Variants in RECK observed in about 807,000 individuals in gnomAD.
RECK encodes the protein reversion-inducing cysteine-rich protein with Kazal motifs.
In RECK, 69 loss-of-function variants were observed where a neutral mutation model predicts 115.1. The observed-to-expected ratio is 0.60, with a 90% confidence interval of 0.49 to 0.73. The LOEUF (loss-of-function observed/expected upper bound fraction) is 0.73. RECK is among the 30% of genes least tolerant of loss of function. The pLI is 0.00. For synonymous variants in RECK, 414 were observed against 419.7 expected (o/e 0.99, Z 0.17); for missense variants, 1,047 against 1,203.7 (o/e 0.87, Z 1.93).
chr9:36,045,932 C>T (rs548807988), intron 1 of RECK, among the ~76,000 whole-genome samples: 3 of 152,070 alleles, frequency 2.0e-5, no homozygotes, highest in South Asian at 4.1e-4. Context: ...CCTTCTTAAG[C>T]CCAAAAAATG....
At position 36,089,918 on chromosome 9, in the gene RECK, G is replaced by A. The variant is rs187536562; in HGVS notation, c.906-1246G>A. Among the ~76,000 whole-genome samples, 638 of 151,846 alleles carry A rather than the reference G, an allele frequency of 4.2e-3. 5 individuals carry two copies. The highest frequency in any genetic ancestry group is 0.015 in the African/African-American group (602 of 41,350). Reference sequence around the variant, plus strand: ...GCAGATGGATCGCCTGAGGTCAAGAGTTCCAGACCAGCCTGGTCAACATGG... The same window carrying A: ...GCAGATGGATCGCCTGAGGTCAAGAATTCCAGACCAGCCTGGTCAACATGG... On this transcript the variant is annotated intron_variant, in intron 9 of 20. Transcript: ENST00000377966.
chr9:36,080,898 C>T (rs944502504), intron 7 of RECK, among the ~76,000 whole-genome samples: 11 of 152,152 alleles, frequency 7.2e-5, no homozygotes, highest in South Asian at 6.2e-4. Context: ...TAGCACTTGC[C>T]GAGTGCTACG....
rs747784529 is a variant in RECK, at chr9:36,052,240, T to TA, written c.101-25_101-24insA. The TA allele has an allele frequency of 4.0e-6, 6 of 1,493,396 alleles. No homozygotes were observed. In the Admixed American group the frequency reaches 1.0e-4, roughly 25 times the overall value. The allele number at this position is 1,493,396 out of a possible 1,614,324, so 92.5% of individuals were successfully genotyped here. A position where few individuals can be genotyped will look rare whatever the true frequency, so the allele number is the denominator to read the frequency against. The stretch of plus-strand genomic sequence containing the variant: ...CATCTTGTTTAACAGTGGAACAACA[T>TA]TTGATGTTTATTTTTTCTCCCTAGG... On this transcript the variant is annotated intron_variant, in intron 1 of 20. Coordinates refer to ENST00000377966, the MANE Select transcript of RECK (RefSeq NM_021111.3).
chr9:36,043,273 ACCT>A (rs1374279734), intron 1 of RECK, among the ~76,000 whole-genome samples: 1 of 133,920 alleles, frequency 7.5e-6, no homozygotes, highest in Non-Finnish European at 1.5e-5. Context: ...CAATCTCCTG[ACCT>A]CCTGATCCAC....
intron 6 of RECK, among the ~76,000 whole-genome samples, chr9:36,077,709 A>C (rs899236256): frequency 1.3e-5 from 2 of 152,230 alleles, no homozygotes; most frequent in African/African-American, 4.8e-5. Flanking sequence ...TCTATTAATG[A>C]ACATCAAGAG....
intron 15 of RECK, among the ~76,000 whole-genome samples, chr9:36,111,958 CAAA>C (rs534499174): frequency 1.6e-5 from 2 of 127,568 alleles, no homozygotes; most frequent in Non-Finnish European, 1.7e-5. Context: ...TGTCAGAATA[CAAA>C]AAAAAAAAAA....
In RECK at chr9:36,036,961, C is replaced by A; in HGVS notation, c.-38C>A. Reference sequence around the variant, plus strand: ...GGCAGCGGCTGCGGCCAAGCTGGGTCCGAGCATCCCGCGGCTCTGGAGCCG... The same window carrying A: ...GGCAGCGGCTGCGGCCAAGCTGGGTACGAGCATCCCGCGGCTCTGGAGCCG... On this transcript the variant is annotated 5_prime_UTR_variant, in exon 1 of 21. Coordinates refer to ENST00000377966, the MANE Select transcript of RECK (RefSeq NM_021111.3). The A allele has an allele frequency of 7.4e-7, 1 of 1,351,496 alleles. No homozygotes were observed. Among genetic ancestry groups the A allele is most frequent in the Non-Finnish European group, 9.6e-7 (1 of 1,038,632 alleles). 83.7% of individuals were successfully genotyped at this position (1,351,496 alleles called of 1,614,324 possible).
At chr9:36,063,147 A>G (rs2132586837) in intron 4 of RECK, among the ~76,000 whole-genome samples, 1 of 152,260 alleles carries the variant, frequency 6.6e-6, no homozygotes, top group South Asian at 2.1e-4. Context: ...AAAAAAAATT[A>G]GAACACTTTT....
At chr9:36,038,471 T>G (rs1425996141) in intron 1 of RECK, among the ~76,000 whole-genome samples, 1 of 152,192 alleles carries the variant, frequency 6.6e-6, no homozygotes, top group African/African-American at 2.4e-5. Flanking sequence ...ACTGAAACAC[T>G]TACAAAATTA....
chr9:36,112,139 A>AC (rs1407519901), intron 15 of RECK, among the ~76,000 whole-genome samples, 166 bp from the exon 16 acceptor site: 4 of 150,818 alleles, frequency 2.7e-5, no homozygotes, highest in Admixed American at 6.6e-5. Context: ...AAAAAAAAAA[A>AC]AAAAACCCTG....
At chr9:36,045,383 T>TA (rs931191359) in intron 1 of RECK, among the ~76,000 whole-genome samples, 1 of 152,202 alleles carries the variant, frequency 6.6e-6, no homozygotes, top group Non-Finnish European at 1.5e-5. Context: ...GATTTTACAT[T>TA]AAAAAACAGA....
intron 5 of RECK, among the ~76,000 whole-genome samples, chr9:36,065,127 T>C (rs1228011643): frequency 6.7e-6 from 1 of 149,598 alleles, no homozygotes; most frequent in African/African-American, 2.5e-5. Context: ...ACTCAGCAAG[T>C]TCAGAATGAA....
chr9:36,087,942 G>A lies in RECK; in HGVS notation c.886G>A (p.Ala296Thr), dbSNP rs1387631960. 1 of 1,612,994 alleles carries A rather than the reference G, an allele frequency of 6.2e-7. No homozygotes were observed. Among genetic ancestry groups the A allele is most frequent in the South Asian group, 1.1e-5 (1 of 90,918 alleles). Residue 296 changes from alanine (A) to threonine (T), a missense_variant, in exon 9 of 21, where the codon GCA (alanine) becomes ACA (threonine). Physicochemically the swap from Ala to Thr is moderately conservative, Grantham distance 58. Coordinates refer to ENST00000377966, the MANE Select transcript of RECK (RefSeq NM_021111.3). ...GGCTAAATTGCATTGTTGTTCTAAA[G>A]CAAACACTTCAACATGTAGGTTAGT... ...DGAKLHCCSK[A>T]NTSTCRELCT...
intron 19 of RECK, 72 bp from the exon 20 acceptor site, chr9:36,121,461 C>G: frequency 6.8e-7 from 1 of 1,469,380 alleles, no homozygotes; most frequent in Middle Eastern, 1.9e-4. Context: ...AGCTGGCAGC[C>G]CAAAGCAAGG....
chr9:36,101,501 G>A (rs1181941933), intron 11 of RECK, among the ~76,000 whole-genome samples: 4 of 152,154 alleles, frequency 2.6e-5, no homozygotes, highest in African/African-American at 9.7e-5. Context: ...TCTATTCTCT[G>A]ACATGGCTTC....
At chr9:36,120,536 G>A (rs1258377554) in intron 18 of RECK, 127 bp from the exon 19 acceptor site, 1 of 700,414 alleles carries the variant, frequency 1.4e-6, no homozygotes, top group Non-Finnish European at 2.4e-6. Flanking sequence ...CTTATATGAA[G>A]GTACAGTCTT....
chr9:36,073,241 GACACACACAC>G (rs778489595), intron 6 of RECK, among the ~76,000 whole-genome samples: 16 of 67,558 alleles, frequency 2.4e-4, no homozygotes, highest in Admixed American at 1.8e-3. Context: ...GACACACACA[GACACACACAC>G]ACACACACAC....
chr9:36,037,177 G>A (rs529206682), intron 1 of RECK, 79 bp downstream of exon 1: 2 of 1,009,634 alleles, frequency 2.0e-6, no homozygotes, highest in South Asian at 4.1e-5. Flanking sequence ...GGGGCAGGGG[G>A]CGGGGGTGCG....
chr9:36,058,107 G>C (rs958271608), intron 2 of RECK, among the ~76,000 whole-genome samples: 2 of 150,460 alleles, frequency 1.3e-5, no homozygotes, highest in Non-Finnish European at 3.0e-5. Flanking sequence ...ATTCCTCAGG[G>C]ATCTAGAACT....
Sources: allele counts gnomAD v4.1 joint callset (sites outside exome capture counted in the v4.1 genomes callset), GRCh38; gene constraint gnomAD v4.1.1; transcripts MANE v1.5; gene names NCBI Gene and HGNC (gene_info 2026-07-23, HGNC 2026-07-21).